The following BMPR2 variants were observed in gnomAD, a reference collection of about 807,000 sequenced individuals.
BMPR2 encodes bone morphogenetic protein receptor type-2.
A neutral mutation model predicts 100.8 loss-of-function variants in BMPR2; 29 were observed. The observed-to-expected ratio is 0.29, with a 90% CI of 0.21 to 0.39. The LOEUF (loss-of-function observed/expected upper bound fraction) is 0.39, where lower values mean the gene tolerates loss of function less well. Ranked by LOEUF, BMPR2 falls within the 10% of genes least tolerant of loss-of-function variation. The pLI is 1.00. For synonymous variants in BMPR2, 382 were observed against 442.3 expected (o/e 0.86, Z 1.71); for missense variants, 1,011 against 1,274.5 (o/e 0.79, Z 3.15).
chr2:202,530,217 A>C (rs975460124), intron 7 of BMPR2, among the ~76,000 whole-genome samples: 2 of 152,210 alleles, frequency 1.3e-5, no homozygotes, highest in Non-Finnish European at 2.9e-5. Context: ...ACAAGTTTTC[A>C]TATCTTGGTG....
In BMPR2 at chr2:202,466,403, C is replaced by A. The variant is rs189797374; in HGVS notation, c.248-1116C>A. Among the ~76,000 whole-genome samples, 720 of 152,156 alleles carry A rather than the reference C, an allele frequency of 4.7e-3. 18 individuals carry two copies. The highest frequency in any genetic ancestry group is 0.035 in the Admixed American group (529 of 15,272). On this transcript the variant is annotated intron_variant, in intron 2 of 12. Transcript: ENST00000374580. ...CCGGGTTCAAGCGATTCTCCTGCCT[C>A]AGCCTGCCAAGTAGCTGGGACTACA...
intron 1 of BMPR2, among the ~76,000 whole-genome samples, chr2:202,385,982 C>A (rs1239765465): frequency 2.0e-5 from 3 of 151,950 alleles, no homozygotes; most frequent in Non-Finnish European, 2.9e-5. Flanking sequence ...CCAATTTAAT[C>A]CTTTTTTTTC....
At chr2:202,421,560 T>C (rs1477035438) in intron 1 of BMPR2, among the ~76,000 whole-genome samples, 1 of 144,220 alleles carries the variant, frequency 6.9e-6, no homozygotes, top group African/African-American at 2.6e-5. Flanking sequence ...GAGAATGGCG[T>C]GAACCTGGGA....
At chr2:202,525,769 G>A (rs576442026) in intron 7 of BMPR2, among the ~76,000 whole-genome samples, 3 of 151,252 alleles carry the variant, frequency 2.0e-5, no homozygotes, top group African/African-American at 7.3e-5. Context: ...GCCTTTGCTC[G>A]TGTTTCAGAG....
At chr2:202,398,108 C>CAAAA (rs56075719) in intron 1 of BMPR2, among the ~76,000 whole-genome samples, 1 of 120,340 alleles carries the variant, frequency 8.3e-6, no homozygotes, top group Non-Finnish European at 1.8e-5. Context: ...GACCCTGTCT[C>CAAAA]AAAAAAAAAA....
At chr2:202,415,078 G>T (rs1691097415) in intron 1 of BMPR2, among the ~76,000 whole-genome samples, 1 of 152,120 alleles carries the variant, frequency 6.6e-6, no homozygotes, top group Admixed American at 6.5e-5. Flanking sequence ...AGCTACAGAA[G>T]AAAAGTTTAA....
In BMPR2 at chr2:202,377,190, TC is replaced by T; in HGVS notation, c.-282del. Reference sequence around the variant, plus strand: ...ATAATTTGGGGGATTTCTTCTTGGCTCCCTGCTTTCCCCACAGACATGCCTT... The same window carrying T: ...ATAATTTGGGGGATTTCTTCTTGGCTCCTGCTTTCCCCACAGACATGCCTT... On this transcript the variant is annotated 5_prime_UTR_variant, in exon 1 of 13. Coordinates refer to ENST00000374580, the MANE Select transcript of BMPR2 (RefSeq NM_001204.7). 1 of 595,710 alleles carries T rather than the reference TC, an allele frequency of 1.7e-6. No individual in the cohort carries two copies. Among genetic ancestry groups the T allele is most frequent in the Non-Finnish European group, 3.0e-6 (1 of 334,188 alleles). The allele number at this position is 595,710 out of a possible 1,614,324, so 36.9% of individuals were successfully genotyped here. A position where few individuals can be genotyped will look rare whatever the true frequency, so the allele number is the denominator to read the frequency against.
At chr2:202,398,647 C>A (rs1559025865) in intron 1 of BMPR2, among the ~76,000 whole-genome samples, 1 of 152,192 alleles carries the variant, frequency 6.6e-6, no homozygotes, top group African/African-American at 2.4e-5. Context: ...TGTCTACTGA[C>A]ATTTGAACAT....
At chr2:202,501,160 G>C (rs1202360060) in intron 3 of BMPR2, among the ~76,000 whole-genome samples, 2 of 152,198 alleles carry the variant, frequency 1.3e-5, no homozygotes, top group African/African-American at 4.8e-5. Context: ...GCCTACAGCA[G>C]GTTAAATATC....
chr2:202,414,615 T>C (rs1313252306), intron 1 of BMPR2, among the ~76,000 whole-genome samples: 1 of 152,194 alleles, frequency 6.6e-6, no homozygotes, highest in Non-Finnish European at 1.5e-5. Context: ...AATACAGGAA[T>C]GATAAGAAAA....
chr2:202,487,819 G>T (rs1025608783), intron 3 of BMPR2, among the ~76,000 whole-genome samples: 3 of 152,176 alleles, frequency 2.0e-5, no homozygotes, highest in African/African-American at 4.8e-5. Context: ...AAAACAGATT[G>T]TTGGCCCCAC....
chr2:202,425,516 A>C (rs1473402521), intron 1 of BMPR2, among the ~76,000 whole-genome samples: 1 of 152,332 alleles, frequency 6.6e-6, no homozygotes, highest in African/African-American at 2.4e-5. Flanking sequence ...AGTTCACTAT[A>C]TAGAAAAATC....
chr2:202,384,052 A>C (rs1212826339), intron 1 of BMPR2, among the ~76,000 whole-genome samples: 4 of 151,962 alleles, frequency 2.6e-5, no homozygotes, highest in Non-Finnish European at 5.9e-5. Flanking sequence ...GGCGCCTATA[A>C]TCCCAGCTAC....
intron 1 of BMPR2, among the ~76,000 whole-genome samples, chr2:202,422,128 C>T (rs1166852298): frequency 3.9e-5 from 6 of 152,058 alleles, no homozygotes; most frequent in African/African-American, 9.7e-5. Context: ...AGGCTGGTCT[C>T]GATCTCCTGA....
Position 202,377,664 on chromosome 2 carries a change from G to T in BMPR2, c.76+114G>T, listed in dbSNP as rs951402046. ...TTCGCCATGCGTCCCCCCGATCGCG[G>T]TGCAGCGGAGCTGCGACCCGGTGCC... On this transcript the variant is annotated intron_variant, in intron 1 of 12. Coordinates refer to ENST00000374580, the MANE Select transcript of BMPR2 (RefSeq NM_001204.7). 9.4e-6 allele frequency: 12 copies of T among 1,280,262 alleles called. No individual in the cohort carries two copies. In the Admixed American group the frequency reaches 1.1e-4, roughly 12 times the overall value. 79.3% of individuals were successfully genotyped at this position (1,280,262 alleles called of 1,614,324 possible).
chr2:202,465,087 TA>T (rs1692293665), intron 2 of BMPR2, 108 bp downstream of exon 2: 2 of 1,401,274 alleles, frequency 1.4e-6, no homozygotes, highest in African/African-American at 2.9e-5. Context: ...ACAGTGAATT[TA>T]AAAGTGTATA....
chr2:202,420,893 A>T (rs1691249573), intron 1 of BMPR2, among the ~76,000 whole-genome samples: 1 of 152,000 alleles, frequency 6.6e-6, no homozygotes, highest in Admixed American at 6.6e-5. Flanking sequence ...TTAGTAATTG[A>T]TTCCTTTAAT....
intron 1 of BMPR2, among the ~76,000 whole-genome samples, chr2:202,402,113 GA>G (rs1237827820): frequency 1.3e-5 from 2 of 152,240 alleles, no homozygotes; most frequent in Non-Finnish European, 2.9e-5. Flanking sequence ...TGCCATCCAA[GA>G]GGAGCAGTTG....
chr2:202,480,984 A>G (rs1175431134), intron 3 of BMPR2, among the ~76,000 whole-genome samples: 1 of 148,638 alleles, frequency 6.7e-6, no homozygotes, highest in Non-Finnish European at 1.5e-5. Context: ...AAAAAAATCA[A>G]TTGACCGTAA....
Sources: gnomAD v4.1 joint callset for allele counts (sites outside exome capture counted in the v4.1 genomes callset) on GRCh38, gnomAD v4.1.1 for gene constraint, MANE v1.5 for transcripts, NCBI Gene and HGNC (gene_info 2026-07-23, HGNC 2026-07-21) for gene names.